Variants in PDE1C observed in about 807,000 individuals in gnomAD.
PDE1C encodes phosphodiesterase 1C.
In PDE1C, 62 loss-of-function variants were observed where a neutral mutation model predicts 93.1. The ratio of observed to expected loss-of-function variants is 0.67; its 90% CI spans 0.54 to 0.82. The LOEUF (loss-of-function observed/expected upper bound fraction) is 0.82. PDE1C is among the 40% of genes least tolerant of loss of function. The probability of loss-of-function intolerance (pLI) is 0.00; values close to 1 mark genes in which losing one functional copy is unlikely to be tolerated. For missense variants in PDE1C, 742 were observed against 884.6 expected, an observed-to-expected ratio of 0.84 and a Z score of 2.04; for synonymous variants, 325 against 310.1, an observed-to-expected ratio of 1.05 and a Z score of -0.50.
At position 31,751,287 on chromosome 7, in the gene PDE1C, C is replaced by T. The variant is rs1794126644; in HGVS notation, c.*2097G>A. 6.6e-6 allele frequency: 1 copy of T among 152,188 alleles called. No homozygotes were observed. Among genetic ancestry groups the T allele is most frequent in the South Asian group, 2.1e-4 (1 of 4,832 alleles). The allele number at this position is 152,188 out of a possible 1,614,324, so 9.4% of individuals were successfully genotyped here. On this transcript the variant is annotated 3_prime_UTR_variant, in exon 18 of 18. Coordinates refer to ENST00000396191, the MANE Select transcript of PDE1C (RefSeq NM_001191057.4). The stretch of plus-strand genomic sequence containing the variant: ...TTTTATAAGCAGTGCAAAATCTCAA[C>T]ATCTGTACATTTGCTCCATTAAAAT...
intron 3 of PDE1C, among the ~76,000 whole-genome samples, chr7:32,140,847 C>T (rs1395852277): frequency 6.6e-6 from 1 of 152,208 alleles, no homozygotes; most frequent in African/African-American, 2.4e-5. Flanking sequence ...AATCCAGCAG[C>T]ATCTTGCCAC....
intron 1 of PDE1C, among the ~76,000 whole-genome samples, chr7:32,387,654 A>C (rs1308731429): frequency 1.4e-5 from 2 of 138,278 alleles, no homozygotes; most frequent in Non-Finnish European, 3.1e-5. Flanking sequence ...TCCCTCCCGG[A>C]CGGGGCGGCT....
chr7:32,197,173 C>T (rs1804685007), intron 2 of PDE1C, among the ~76,000 whole-genome samples: 4 of 152,010 alleles, frequency 2.6e-5, no homozygotes, highest in South Asian at 2.1e-4. Context: ...ATAAGATACA[C>T]GAGTGGGCAA....
intron 1 of PDE1C, among the ~76,000 whole-genome samples, chr7:32,341,173 C>CTTTTTTTTTTTTTTTTTTTTTT (rs3079623): frequency 4.7e-5 from 4 of 84,952 alleles, no homozygotes; most frequent in African/African-American, 1.7e-4. Context: ...GAAATAAAGT[C>CTTTTTTTTTTTTTTTTTTTTTT]TTTTTTTTTT....
At chr7:32,259,974 GA>G (rs1810084153) in intron 1 of PDE1C, among the ~76,000 whole-genome samples, 1 of 152,288 alleles carries the variant, frequency 6.6e-6, no homozygotes, top group Non-Finnish European at 1.5e-5. Flanking sequence ...TTGGTGCCCA[GA>G]AATTCTTCGT....
intron 2 of PDE1C, chr7:32,209,445 T>C: frequency 5.3e-6 from 8 of 1,507,574 alleles, no homozygotes; most frequent in Non-Finnish European, 7.2e-6. Context: ...TGGAGAACAT[T>C]TTCTGATGGA....
At chr7:32,084,322 C>T (rs2128739841) in intron 3 of PDE1C, among the ~76,000 whole-genome samples, 1 of 151,248 alleles carries the variant, frequency 6.6e-6, no homozygotes, top group Middle Eastern at 3.4e-3. Flanking sequence ...TATATATGCA[C>T]CCAATACAGG....
At chr7:32,285,246 A>G (rs1315412310) in intron 1 of PDE1C, among the ~76,000 whole-genome samples, 1 of 152,128 alleles carries the variant, frequency 6.6e-6, no homozygotes, top group Non-Finnish European at 1.5e-5. Flanking sequence ...ACTTTCATAC[A>G]TCACTGGTGG....
chr7:31,937,999 A>T (rs1490720747), intron 2 of PDE1C, among the ~76,000 whole-genome samples: 1 of 152,144 alleles, frequency 6.6e-6, no homozygotes, highest in Non-Finnish European at 1.5e-5. Context: ...AAAGTACATT[A>T]TTTATAGAGG....
intron 3 of PDE1C, among the ~76,000 whole-genome samples, chr7:32,086,946 A>C (rs1445333923): frequency 6.6e-6 from 1 of 151,478 alleles, no homozygotes; most frequent in Non-Finnish European, 1.5e-5. Context: ...AGGCATGGGC[A>C]AGGACTTCAT....
intron 1 of PDE1C, among the ~76,000 whole-genome samples, chr7:32,291,829 A>G (rs1812345404): frequency 6.6e-6 from 1 of 152,206 alleles, no homozygotes; most frequent in African/African-American, 2.4e-5. Context: ...GAGGGGCAGG[A>G]ATCGCAGAGA....
intron 1 of PDE1C, among the ~76,000 whole-genome samples, chr7:32,364,768 C>T (rs184304103): frequency 9.3e-4 from 142 of 152,358 alleles, no homozygotes; most frequent in Admixed American, 2.0e-3. Context: ...GGCCAGTAGC[C>T]GCTGCACCTC....
chr7:31,620,671 A>G, the PDE1C span, among the ~76,000 whole-genome samples: 1 of 151,562 alleles, frequency 6.6e-6, no homozygotes, highest in Non-Finnish European at 1.5e-5. Context: ...AAAACAGAAC[A>G]GAAAAACTGG....
intron 1 of PDE1C, among the ~76,000 whole-genome samples, chr7:32,315,522 T>C (rs1406851144): frequency 6.6e-6 from 1 of 152,196 alleles, no homozygotes; most frequent in African/African-American, 2.4e-5. Flanking sequence ...TATGAACATA[T>C]CCTGACTGCA....
At chr7:32,182,276 G>A (rs540829942) in intron 2 of PDE1C, among the ~76,000 whole-genome samples, 9 of 152,306 alleles carry the variant, frequency 5.9e-5, no homozygotes, top group African/African-American at 2.2e-4. Context: ...TAGAAAAAGA[G>A]GAATCCTTCC....
At chr7:31,948,448 T>C (rs1247699367) in intron 2 of PDE1C, among the ~76,000 whole-genome samples, 4 of 151,970 alleles carry the variant, frequency 2.6e-5, no homozygotes, top group Non-Finnish European at 5.9e-5. Context: ...AAAAAACAGT[T>C]ATTTTATAGT....
At chr7:31,697,033 C>T in the PDE1C span, 4 of 1,614,002 alleles carry the variant, frequency 2.5e-6, no homozygotes, top group East Asian at 2.2e-5. Flanking sequence ...CAAAATGATC[C>T]CTGTTCTTCA....
intron 2 of PDE1C, among the ~76,000 whole-genome samples, chr7:32,034,441 A>G (rs1450740096): frequency 6.6e-6 from 1 of 152,116 alleles, no homozygotes; most frequent in Non-Finnish European, 1.5e-5. Flanking sequence ...AATCTGGTGG[A>G]TGGATTCCCC....
intron 1 of PDE1C, among the ~76,000 whole-genome samples, chr7:32,282,021 A>G (rs1811664977): frequency 6.6e-6 from 1 of 152,030 alleles, no homozygotes; most frequent in African/African-American, 2.4e-5. Context: ...GGGGTAGGGG[A>G]CGGGGAGAGA....
Sources: allele counts gnomAD v4.1 joint callset (sites outside exome capture counted in the v4.1 genomes callset), GRCh38; gene constraint gnomAD v4.1.1; transcripts MANE v1.5; gene names NCBI Gene and HGNC (gene_info 2026-07-23, HGNC 2026-07-21).